Variants in RNF122 observed in about 807,000 individuals in gnomAD.
RNF122 encodes the protein ring finger protein 122.
RNF122 carries 17 observed loss-of-function variants against 24.2 expected under a neutral mutation model. The observed-to-expected ratio is 0.70, with a 90% CI of 0.48 to 1.06. The LOEUF is 1.06. RNF122 is among the 50% of genes least tolerant of loss of function. The pLI is 0.00. For synonymous variants in RNF122, 65 were observed against 71.8 expected, an observed-to-expected ratio of 0.91 and a Z score of 0.48; for missense variants, 168 against 198.1, an observed-to-expected ratio of 0.85 and a Z score of 0.91.
intron 4 of RNF122, among the ~76,000 whole-genome samples, chr8:33,550,445 T>C (rs1292686762): frequency 2.6e-5 from 4 of 151,906 alleles, no homozygotes; most frequent in Admixed American, 2.6e-4. Flanking sequence ...TGAGTAGGAG[T>C]GTCTGTGGTC....
At chr8:33,562,983 C>A (rs985258801) in intron 1 of RNF122, among the ~76,000 whole-genome samples, 1 of 151,906 alleles carries the variant, frequency 6.6e-6, no homozygotes, top group Non-Finnish European at 1.5e-5. Flanking sequence ...CCCAGTTACT[C>A]GGGAGGCTGG....
chr8:33,563,826 C>T, intron 1 of RNF122, among the ~76,000 whole-genome samples: 1 of 152,120 alleles, frequency 6.6e-6, no homozygotes, highest in Non-Finnish European at 1.5e-5. Flanking sequence ...CTTTGGTTTC[C>T]AGTTCTGGGA....
At chr8:33,554,059 A>T (rs1165946355) in intron 2 of RNF122, among the ~76,000 whole-genome samples, 1 of 152,202 alleles carries the variant, frequency 6.6e-6, no homozygotes, top group African/African-American at 2.4e-5. Flanking sequence ...TTGTACATAC[A>T]CATGTGTCTC....
At chr8:33,560,184 C>T (rs1160696577) in intron 1 of RNF122, among the ~76,000 whole-genome samples, 2 of 152,024 alleles carry the variant, frequency 1.3e-5, no homozygotes, top group African/African-American at 4.8e-5. Flanking sequence ...TTCCCCTGCA[C>T]ATTCAGTTTG....
At chr8:33,566,425 G>A (rs1810624471) in intron 1 of RNF122, among the ~76,000 whole-genome samples, 1 of 152,232 alleles carries the variant, frequency 6.6e-6, no homozygotes, top group Non-Finnish European at 1.5e-5. Context: ...GAAGAGCCGG[G>A]CCGCCACACA....
chr8:33,559,361 G>A (rs1358554504), intron 1 of RNF122, among the ~76,000 whole-genome samples: 2 of 151,704 alleles, frequency 1.3e-5, no homozygotes, highest in African/African-American at 2.4e-5. Flanking sequence ...AAACTGGAGA[G>A]CTTAATTCCA....
chr8:33,559,541 C>T (rs1810508618), intron 1 of RNF122, among the ~76,000 whole-genome samples: 1 of 152,126 alleles, frequency 6.6e-6, no homozygotes, highest in Non-Finnish European at 1.5e-5. Flanking sequence ...AGAAAATATG[C>T]TTTGTAAATT....
At chr8:33,559,527 C>T (rs547461495) in intron 1 of RNF122, among the ~76,000 whole-genome samples, 39 of 152,106 alleles carry the variant, frequency 2.6e-4, no homozygotes, top group African/African-American at 8.9e-4. Flanking sequence ...AAAATGAGCG[C>T]ATAAGAAAAT....
In RNF122 at chr8:33,566,852, G is replaced by T; in HGVS notation, c.-129C>A. On this transcript the variant is annotated 5_prime_UTR_variant, in exon 1 of 6. Coordinates refer to ENST00000256257, the MANE Select transcript of RNF122 (RefSeq NM_024787.3). Reference sequence around the variant, plus strand: ...GGCAGCGCGCTGCAGCCGCCCTGCTGGAGAAGCCGAACTCCCTCCGGAGTG... The same window carrying T: ...GGCAGCGCGCTGCAGCCGCCCTGCTTGAGAAGCCGAACTCCCTCCGGAGTG... 3 of 1,057,488 alleles carry T rather than the reference G, an allele frequency of 2.8e-6. No homozygotes were observed. The highest frequency in any genetic ancestry group is 4.3e-6 in the Non-Finnish European group (3 of 705,122). The allele number at this position is 1,057,488 out of a possible 1,614,324, so 65.5% of individuals were successfully genotyped here. A position where few individuals can be genotyped will look rare whatever the true frequency, so the allele number is the denominator to read the frequency against.
chr8:33,553,541 A>G (rs1304392980), intron 2 of RNF122, among the ~76,000 whole-genome samples: 7 of 152,196 alleles, frequency 4.6e-5, no homozygotes, highest in Non-Finnish European at 1.0e-4. Context: ...ACTGCACTCC[A>G]GGCTGAACAA....
intron 2 of RNF122, 98 bp from the exon 3 acceptor site, chr8:33,551,487 G>A (rs1445312663): frequency 8.0e-7 from 1 of 1,254,070 alleles, no homozygotes; most frequent in Non-Finnish European, 1.2e-6. Context: ...CCGAGGGCAG[G>A]GAGGGGTGCT....
intron 2 of RNF122, among the ~76,000 whole-genome samples, chr8:33,557,357 C>A (rs781306843): frequency 2.6e-5 from 4 of 152,154 alleles, no homozygotes; most frequent in African/African-American, 9.7e-5. Flanking sequence ...AGGCCGAGCA[C>A]GAGGGCTCAT....
intron 1 of RNF122, among the ~76,000 whole-genome samples, chr8:33,559,831 A>T (rs921743556): frequency 7.2e-6 from 1 of 139,822 alleles, no homozygotes; most frequent in African/African-American, 2.7e-5. Flanking sequence ...CTGAATCAGG[A>T]CCTACGCTGT....
chr8:33,559,702 T>A (rs1810510982), intron 1 of RNF122, among the ~76,000 whole-genome samples: 2 of 152,148 alleles, frequency 1.3e-5, no homozygotes, highest in South Asian at 4.2e-4. Context: ...GGTTGCAACT[T>A]CCCTTACTGT....
chr8:33,562,161 A>C (rs1810548972), intron 1 of RNF122, among the ~76,000 whole-genome samples: 1 of 152,132 alleles, frequency 6.6e-6, no homozygotes, highest in Admixed American at 6.6e-5. Context: ...TTACTCAGTT[A>C]ACTGTCTTAC....
At chr8:33,551,671 C>G (rs939062083) in intron 2 of RNF122, among the ~76,000 whole-genome samples, 1 of 152,196 alleles carries the variant, frequency 6.6e-6, no homozygotes, top group African/African-American at 2.4e-5. Flanking sequence ...ACTCACCCTG[C>G]CTTTTTCTGG....
rs990243834 is a variant in RNF122, at chr8:33,555,856, A to G, written c.182+2759T>C. Among the ~76,000 whole-genome samples, 6 of 152,278 alleles carry G rather than the reference A, an allele frequency of 3.9e-5. No individual in the cohort carries two copies. The East Asian group carries it at 9.7e-4, about 25-fold the overall frequency. ...AAATGCTGACCACAATGCCTGGCCT[A>G]TGGAAAGCCCTTGGTAAAGAGTGGC... On this transcript the variant is annotated intron_variant, in intron 2 of 5. Coordinates refer to ENST00000256257, the MANE Select transcript of RNF122 (RefSeq NM_024787.3).
chr8:33,559,643 C>G (rs1004166444), intron 1 of RNF122, among the ~76,000 whole-genome samples: 1 of 152,110 alleles, frequency 6.6e-6, no homozygotes, highest in African/African-American at 2.4e-5. Context: ...ATTATTCACT[C>G]CAAGTCCTGG....
intron 2 of RNF122, 122 bp from the exon 3 acceptor site, chr8:33,551,511 C>T (rs1204979952): frequency 3.3e-6 from 3 of 905,262 alleles, no homozygotes; most frequent in African/African-American, 3.3e-5. Context: ...CCCATACACA[C>T]CACAGGGCAT....
Sources: allele counts gnomAD v4.1 joint callset (sites outside exome capture counted in the v4.1 genomes callset), GRCh38; gene constraint gnomAD v4.1.1; transcripts MANE v1.5; gene names NCBI Gene and HGNC (gene_info 2026-07-23, HGNC 2026-07-21).